CDH12: variants seen among roughly 807,000 people sequenced by gnomAD.
CDH12 encodes cadherin-12.
In CDH12, 41 loss-of-function variants were observed where a neutral mutation model predicts 74.1. The observed-to-expected ratio is 0.55, with a 90% CI of 0.43 to 0.72. The LOEUF (loss-of-function observed/expected upper bound fraction) is 0.72. Among genes scored for constraint, CDH12 ranks in the 30% least tolerant of loss-of-function variants. The pLI is 0.00. For missense variants in CDH12, 945 were observed against 977.2 expected (o/e 0.97, Z 0.44); for synonymous variants, 399 against 355.0 (o/e 1.12, Z -1.39).
intron 3 of CDH12, among the ~76,000 whole-genome samples, chr5:22,268,517 TATTA>T (rs1736239841): frequency 6.6e-6 from 1 of 152,056 alleles, no homozygotes; most frequent in Non-Finnish European, 1.5e-5. Flanking sequence ...TAAAGTGACA[TATTA>T]ATTAAATTGA....
At chr5:22,477,359 T>G (rs1232861750) in intron 2 of CDH12, among the ~76,000 whole-genome samples, 1 of 152,132 alleles carries the variant, frequency 6.6e-6, no homozygotes, top group Non-Finnish European at 1.5e-5. Context: ...GTTAGTGTGT[T>G]AGTTTGCTAA....
At chr5:22,698,819 A>T (rs541878151) in intron 1 of CDH12, among the ~76,000 whole-genome samples, 1 of 148,024 alleles carries the variant, frequency 6.8e-6, no homozygotes, top group Non-Finnish European at 1.5e-5. Context: ...TTGGCAGTTC[A>T]ACAATAAAAA....
Position 21,752,103 on chromosome 5 carries a change from G to A in CDH12, c.2019C>T (p.Phe673=), listed in dbSNP as rs775446101. The A allele has an allele frequency of 5.0e-6, 8 of 1,613,954 alleles. No homozygotes were observed. Among genetic ancestry groups the A allele is most frequent in the Middle Eastern group, 1.6e-4 (1 of 6,082 alleles). ...EGGGEEDTQA[F]DIGALRNPKV... is the part of the protein sequence containing the mutation. The stretch of plus-strand genomic sequence containing the variant: ...TTGGGTTTCTCAGAGCCCCGATGTC[G>A]AAAGCCTGGGTATCTTCCTCCCCAC... Residue 673 remains phenylalanine, a synonymous_variant, in exon 15 of 15, where the codon TTC becomes TTT. Coordinates refer to ENST00000382254, the MANE Select transcript of CDH12 (RefSeq NM_004061.5).
In CDH12 at chr5:21,776,345, CTG is replaced by C. The variant is rs149641054; in HGVS notation, c.1393+7011_1393+7012del. On this transcript the variant is annotated intron_variant, in intron 11 of 14. Transcript: ENST00000382254. The stretch of plus-strand genomic sequence containing the variant: ...ATAAATGGATTCCTAACTCTCCTAA[CTG>C]TAAAATAATACATGTTGTTTAAACT... 7.6e-3 allele frequency among the ~76,000 whole-genome samples: 1,154 copies of C among 152,288 alleles called. 16 individuals are homozygous for C. Among genetic ancestry groups the C allele is most frequent in the African/African-American group, 0.027 (1,118 of 41,556 alleles).
At chr5:22,773,147 T>G (rs1009497365) in intron 1 of CDH12, among the ~76,000 whole-genome samples, 1 of 152,036 alleles carries the variant, frequency 6.6e-6, no homozygotes, top group Non-Finnish European at 1.5e-5. Flanking sequence ...GAATTAGGAA[T>G]AGCTATTATA....
intron 6 of CDH12, among the ~76,000 whole-genome samples, chr5:21,858,033 T>TA (rs910524179): frequency 1.3e-5 from 2 of 150,360 alleles, no homozygotes; most frequent in African/African-American, 4.9e-5. Flanking sequence ...CTTTTTTTTT[T>TA]AATAAGGTCA....
intron 1 of CDH12, among the ~76,000 whole-genome samples, chr5:22,595,247 G>C (rs1265599097): frequency 6.6e-6 from 1 of 152,130 alleles, no homozygotes; most frequent in African/African-American, 2.4e-5. Flanking sequence ...ATGTAAAATT[G>C]AATATAGTAC....
At position 21,975,121 on chromosome 5, in the gene CDH12, C is replaced by T. The variant is rs1349588621; in HGVS notation, c.496G>A (p.Val166Ile). The change falls in exon 6 of 15, where the codon GTT becomes ATT. Residue 166 changes from valine (V) to isoleucine (I), a missense_variant. Transcript: ENST00000382254. ...NEPKFLDGPY[V>I]ATVPEMSPVG... ...GGAGACATTTCTGGAACAGTAGCAA[C>T]ATAAGGTCCATCCAAAAACTTTGGC... 1 of 1,597,114 alleles carries T rather than the reference C, an allele frequency of 6.3e-7. No homozygotes were observed. Among genetic ancestry groups the T allele is most frequent in the East Asian group, 2.2e-5 (1 of 44,856 alleles).
chr5:22,058,999 A>G (rs1265263613), intron 5 of CDH12, among the ~76,000 whole-genome samples: 1 of 152,114 alleles, frequency 6.6e-6, no homozygotes, highest in Non-Finnish European at 1.5e-5. Flanking sequence ...TGCTTCTTTT[A>G]TGATACTACA....
chr5:22,824,425 A>T (rs1581037540), intron 1 of CDH12, among the ~76,000 whole-genome samples: 1 of 152,192 alleles, frequency 6.6e-6, no homozygotes, highest in African/African-American at 2.4e-5. Flanking sequence ...AAGCATACAC[A>T]TACAAATGAG....
intron 3 of CDH12, among the ~76,000 whole-genome samples, chr5:22,266,839 A>T (rs2150397538): frequency 6.6e-6 from 1 of 152,292 alleles, no homozygotes; most frequent in African/African-American, 2.4e-5. Flanking sequence ...GGGGAATAAA[A>T]AGGAAAATCT....
intron 1 of CDH12, among the ~76,000 whole-genome samples, chr5:22,653,700 T>C (rs1335055830): frequency 1.3e-5 from 2 of 152,144 alleles, no homozygotes; most frequent in Non-Finnish European, 2.9e-5. Flanking sequence ...GCAAATTAGA[T>C]CTTGTCAGAA....
chr5:22,183,664 A>G (rs1368580137), intron 4 of CDH12, among the ~76,000 whole-genome samples: 1 of 152,138 alleles, frequency 6.6e-6, no homozygotes, highest in Non-Finnish European at 1.5e-5. Context: ...TGACCTTGCC[A>G]TAAGAAGGAA....
intron 3 of CDH12, among the ~76,000 whole-genome samples, chr5:22,321,393 A>G (rs377230564): frequency 1.9e-3 from 274 of 145,496 alleles, no homozygotes; most frequent in Non-Finnish European, 3.5e-3. Context: ...CTATCGCAAG[A>G]ACAAAAAACC....
At chr5:21,920,667 T>TATAATAATAATAATAATA (rs149078574) in intron 6 of CDH12, among the ~76,000 whole-genome samples, 34,418 of 145,252 alleles carry the variant, frequency 0.24, 4,905 homozygotes, top group East Asian at 0.34. Context: ...GAACTTAAAG[T>TATAATAATAATAATAATA]ATGATAATAA....
chr5:21,761,887 T>A (rs1331597239), intron 12 of CDH12, among the ~76,000 whole-genome samples: 3 of 152,164 alleles, frequency 2.0e-5, no homozygotes, highest in Non-Finnish European at 4.4e-5. Context: ...CTTGTCTTAG[T>A]GTGAATTAGT....
At chr5:22,832,697 T>G (rs1171180256) in intron 1 of CDH12, among the ~76,000 whole-genome samples, 2 of 152,216 alleles carry the variant, frequency 1.3e-5, no homozygotes, top group Non-Finnish European at 2.9e-5. Flanking sequence ...AAAATATTAC[T>G]GTTTCTTTCC....
chr5:22,835,349 T>C (rs1357913991), intron 1 of CDH12, among the ~76,000 whole-genome samples: 1 of 152,170 alleles, frequency 6.6e-6, no homozygotes, highest in Non-Finnish European at 1.5e-5. Context: ...AACTAGGATA[T>C]CCTAAAGGAA....
intron 4 of CDH12, among the ~76,000 whole-genome samples, chr5:22,194,113 T>C (rs950274496): frequency 6.6e-6 from 1 of 152,102 alleles, no homozygotes; most frequent in African/African-American, 2.4e-5. Flanking sequence ...CTGTCCTCTG[T>C]GCTAGAAGAT....
Sources: gnomAD v4.1 joint callset for allele counts (sites outside exome capture counted in the v4.1 genomes callset) on GRCh38, gnomAD v4.1.1 for gene constraint, MANE v1.5 for transcripts, NCBI Gene and HGNC (gene_info 2026-07-23, HGNC 2026-07-21) for gene names.